SLC66A3: variants seen among roughly 807,000 people sequenced by gnomAD.
SLC66A3 encodes solute carrier family 66 member 3, also known as PQ loop repeat containing 3.
SLC66A3 carries 23 observed loss-of-function variants against 25.5 expected under a neutral mutation model. That is an observed-to-expected ratio of 0.90 (90% CI 0.65 to 1.28). The LOEUF is 1.28. SLC66A3 is among the 50% of genes most tolerant of loss of function. SLC66A3 has a pLI of 0.00. For missense variants in SLC66A3, 246 were observed against 262.1 expected, an observed-to-expected ratio of 0.94 and a Z score of 0.42; for synonymous variants, 108 against 112.6, an observed-to-expected ratio of 0.96 and a Z score of 0.26.
chr2:11,170,436 A>C (rs1207686456), intron 4 of SLC66A3, among the ~76,000 whole-genome samples: 1 of 152,028 alleles, frequency 6.6e-6, no homozygotes, highest in East Asian at 1.9e-4. Context: ...AGGATCTCTT[A>C]CCTCACTGTA....
intron 4 of SLC66A3, among the ~76,000 whole-genome samples, chr2:11,168,150 TGGCG>T (rs1490573757): frequency 1.3e-5 from 2 of 151,814 alleles, no homozygotes; most frequent in African/African-American, 4.8e-5. Flanking sequence ...CCGGGTGTGG[TGGCG>T]GGCACCTGTA....
intron 4 of SLC66A3, among the ~76,000 whole-genome samples, chr2:11,166,470 C>G (rs1241432895): frequency 6.6e-6 from 1 of 152,230 alleles, no homozygotes; most frequent in Admixed American, 6.5e-5. Flanking sequence ...CCCCCAACAT[C>G]TTGTCTGGAA....
At position 11,155,651 on chromosome 2, in the gene SLC66A3, G is replaced by A; in HGVS notation, c.105G>A (p.Arg35=). Residue 35 remains arginine, a synonymous_variant, in exon 1 of 7, where the codon CGG becomes CGA. Transcript: ENST00000295083. ...CTGTGCTAGCGGCGCGCAGCGCGCG[G>A]GGCCTCAGCCTTCCGAGTTTACTTC... The part of the protein sequence containing the change: ...ISAVLAARSA[R]GLSLPSLLLE... The A allele has an allele frequency of 6.7e-7, 1 of 1,490,598 alleles. No individual in the cohort carries two copies. The highest frequency in any genetic ancestry group is 8.9e-7 in the Non-Finnish European group (1 of 1,128,896). 92.3% of individuals were successfully genotyped at this position (1,490,598 alleles called of 1,614,324 possible). A position where few individuals can be genotyped will look rare whatever the true frequency, so the allele number is the denominator to read the frequency against.
At chr2:11,172,189 T>C (rs1662580303) in intron 5 of SLC66A3, 144 bp downstream of exon 5, 1 of 596,152 alleles carries the variant, frequency 1.7e-6, no homozygotes, top group Non-Finnish European at 2.7e-6. Context: ...CTCCTAAGTG[T>C]ATCCATGTTT....
chr2:11,169,630 G>A (rs1662473980), intron 4 of SLC66A3, among the ~76,000 whole-genome samples: 1 of 151,842 alleles, frequency 6.6e-6, no homozygotes, highest in South Asian at 2.1e-4. Context: ...TGTTCCCAGG[G>A]CTCCAGCACA....
intron 3 of SLC66A3, among the ~76,000 whole-genome samples, chr2:11,162,850 C>A (rs1469358922): frequency 1.3e-5 from 2 of 152,216 alleles, no homozygotes; most frequent in Non-Finnish European, 2.9e-5. Flanking sequence ...TCGTGATCCA[C>A]CTGCCTCAGC....
chr2:11,178,732 A>AATT lies in SLC66A3; in HGVS notation c.*906_*908dup, dbSNP rs766075216. 3 of 152,130 alleles carry AATT rather than the reference A, an allele frequency of 2.0e-5. No homozygotes were observed. The highest frequency in any genetic ancestry group is 4.8e-5 in the African/African-American group (2 of 41,422). 9.4% of individuals were successfully genotyped at this position (152,130 alleles called of 1,614,324 possible). On this transcript the variant is annotated 3_prime_UTR_variant, in exon 7 of 7. Transcript: ENST00000295083. The stretch of plus-strand genomic sequence containing the variant: ...TTATTATATACTGTATTTTCTTCTA[A>AATT]ATTAACCCTAATGTTTAAAAACTCA...
intron 5 of SLC66A3, among the ~76,000 whole-genome samples, chr2:11,173,630 A>G (rs1401434333): frequency 6.6e-6 from 1 of 152,220 alleles, no homozygotes; most frequent in Non-Finnish European, 1.5e-5. Context: ...TGGAAGGTAG[A>G]CCAAAAAACT....
Position 11,171,864 on chromosome 2 carries a change from G to T in SLC66A3, c.355-61G>T, listed in dbSNP as rs562107021. 247 of 1,594,854 alleles carry T rather than the reference G, an allele frequency of 1.5e-4. No homozygotes were observed. The African/African-American group carries it at 2.9e-3, about 19-fold the overall frequency. On this transcript the variant is annotated intron_variant, in intron 4 of 6. Transcript: ENST00000295083. ...ATTACAGGTGTGAGCCACCGCACCT[G>T]GCCTCTTTTGCTTTTTTAACAAATC...
At chr2:11,175,461 AC>A (rs1345717766) in intron 6 of SLC66A3, among the ~76,000 whole-genome samples, 7 of 152,244 alleles carry the variant, frequency 4.6e-5, no homozygotes, top group Admixed American at 3.3e-4. Context: ...CAGACTCTTA[AC>A]AAGGAGCAGC....
intron 4 of SLC66A3, among the ~76,000 whole-genome samples, chr2:11,169,078 G>A (rs1197511369): frequency 1.3e-5 from 2 of 151,956 alleles, no homozygotes; most frequent in Admixed American, 6.6e-5. Context: ...GGCTGGTCTC[G>A]AACTCCTGGC....
At chr2:11,164,039 C>A (rs1662217562) in intron 3 of SLC66A3, among the ~76,000 whole-genome samples, 165 bp from the exon 4 acceptor site, 1 of 152,054 alleles carries the variant, frequency 6.6e-6, no homozygotes, top group South Asian at 2.1e-4. Context: ...TCACTTGCGA[C>A]CCTTTTCGTC....
rs1662565624 is a variant in SLC66A3, at chr2:11,171,867, C to G, written c.355-58C>G. The G allele has an allele frequency of 6.9e-6, 11 of 1,601,076 alleles. No homozygotes were observed. In the South Asian group the frequency reaches 8.9e-5, roughly 13 times the overall value. On this transcript the variant is annotated intron_variant, in intron 4 of 6. Coordinates refer to ENST00000295083, the MANE Select transcript of SLC66A3 (RefSeq NM_152391.5). ...ACAGGTGTGAGCCACCGCACCTGGC[C>G]TCTTTTGCTTTTTTAACAAATCGAC... is the stretch of plus-strand genomic sequence containing the variant.
chr2:11,170,875 C>T (rs1662527030), intron 4 of SLC66A3, among the ~76,000 whole-genome samples: 1 of 152,162 alleles, frequency 6.6e-6, no homozygotes. Context: ...AGGCCTGAGC[C>T]ACCGCACCTG....
At chr2:11,158,891 G>A in intron 1 of SLC66A3, among the ~76,000 whole-genome samples, 1 of 152,200 alleles carries the variant, frequency 6.6e-6, no homozygotes, top group Non-Finnish European at 1.5e-5. Flanking sequence ...GCAGGGATGG[G>A]GGGAGTTTGA....
At chr2:11,163,339 C>G (rs1400321181) in intron 3 of SLC66A3, among the ~76,000 whole-genome samples, 1 of 152,072 alleles carries the variant, frequency 6.6e-6, no homozygotes, top group Non-Finnish European at 1.5e-5. Context: ...GGAGGAGTCA[C>G]AAAAATTAGA....
At chr2:11,176,971 A>G (rs180837740) in intron 6 of SLC66A3, among the ~76,000 whole-genome samples, 3 of 152,102 alleles carry the variant, frequency 2.0e-5, no homozygotes, top group East Asian at 3.8e-4. Flanking sequence ...AAAGTTATAT[A>G]TATTTATTTA....
At chr2:11,171,595 G>A (rs999730367) in intron 4 of SLC66A3, among the ~76,000 whole-genome samples, 3 of 151,210 alleles carry the variant, frequency 2.0e-5, no homozygotes, top group Non-Finnish European at 2.9e-5. Flanking sequence ...TGAGATGGGA[G>A]TCTCACTCTG....
chr2:11,177,726 T>A lies in SLC66A3; in HGVS notation c.518-11T>A. The A allele has an allele frequency of 1.3e-6, 2 of 1,583,618 alleles. No individual in the cohort carries two copies. Among genetic ancestry groups the A allele is most frequent in the Non-Finnish European group, 1.7e-6 (2 of 1,157,096 alleles). ...AAGACAGTTTTTAATACACTTTTTT[T>A]TTTATTTCAGTTCTTCTACGTTTTG... On this transcript the variant is annotated splice_polypyrimidine_tract_variant and intron_variant, in intron 6 of 6. Transcript: ENST00000295083.
Sources: gnomAD v4.1 joint callset for allele counts (sites outside exome capture counted in the v4.1 genomes callset) on GRCh38, gnomAD v4.1.1 for gene constraint, MANE v1.5 for transcripts, NCBI Gene and HGNC (gene_info 2026-07-23, HGNC 2026-07-21) for gene names.